Variants in SRCAP observed in about 807,000 individuals in gnomAD.
SRCAP encodes the protein chromatin remodeling protein SRCAP.
Under a neutral mutation model 263.1 loss-of-function variants are expected in SRCAP, and 46 were observed. The observed-to-expected ratio is 0.17, with a 90% confidence interval of 0.14 to 0.22. The LOEUF (loss-of-function observed/expected upper bound fraction) is 0.22. SRCAP is among the 10% of genes least tolerant of loss of function. The probability of loss-of-function intolerance (pLI) is 1.00; values close to 1 mark genes in which losing one functional copy is unlikely to be tolerated. For synonymous variants in SRCAP, 1,813 were observed against 1,662.1 expected (o/e 1.09, Z -2.21); for missense variants, 3,695 against 4,181.9 (o/e 0.88, Z 3.21).
chr16:30,703,914 A>T (rs2052796578), intron 3 of SRCAP, 150 bp from the exon 4 acceptor site: 2 of 989,854 alleles, frequency 2.0e-6, no homozygotes, highest in Admixed American at 3.4e-5. Context: ...TAAAATAAAA[A>T]CTTTATCCCG....
Position 30,739,003 on chromosome 16 carries a change from C to T in SRCAP, c.8963C>T (p.Thr2988Ile), listed in dbSNP as rs369907818. 6.8e-5 allele frequency: 110 copies of T among 1,614,012 alleles called. No homozygotes were observed. The highest frequency in any genetic ancestry group is 8.9e-5 in the Non-Finnish European group (105 of 1,180,004). The change falls in exon 34 of 34, where the codon ACT becomes ATT. Residue 2988 changes from threonine to isoleucine, a missense_variant. Physicochemically the swap from Thr to Ile is moderately conservative, Grantham distance 89. Coordinates refer to ENST00000262518, the MANE Select transcript of SRCAP (RefSeq NM_006662.3). The stretch of plus-strand genomic sequence containing the variant: ...CCACTGCTAGTTTGTCCCACTGCTA[C>T]TGTTGCCAACACTGTCACCACTGTC... ...LPPLLVCPTA[T>I]VANTVTTVTI...
At position 30,734,655 on chromosome 16, in the gene SRCAP, C is replaced by T. The variant is rs62057184; in HGVS notation, c.6729+40C>T. ...GGCAGTTCGTAAAGTTGAGCTGATTCTTACAGAATATCTTGTCTTTTGTTA... is the reference window on the plus strand; with the variant it reads ...GGCAGTTCGTAAAGTTGAGCTGATTTTTACAGAATATCTTGTCTTTTGTTA... On this transcript the variant is annotated intron_variant, in intron 31 of 33. Transcript: ENST00000262518. 194,750 of 1,612,558 alleles carry T rather than the reference C, an allele frequency of 0.12. 13,339 individuals carry two copies. Among genetic ancestry groups the T allele is most frequent in the Non-Finnish European group, 0.14 (164,532 of 1,178,950 alleles).
In SRCAP at chr16:30,737,579, G is replaced by T. The variant is rs34062097; in HGVS notation, c.7539G>T (p.Pro2513=). ...PACTPPPAHT[P]PPAQTCLVTP... ...GTACCCCTCCACCAGCTCATACACC[G>T]CCTCCAGCCCAAACCTGTCTTGTAA... is the stretch of plus-strand genomic sequence containing the variant. The change falls in exon 34 of 34, where the codon CCG becomes CCT. Residue 2513 remains proline (P), a synonymous_variant. Transcript: ENST00000262518. 8.0e-4 allele frequency: 1,292 copies of T among 1,613,474 alleles called. 6 individuals carry two copies. The African/African-American group carries it at 0.015, about 19-fold the overall frequency.
At chr16:30,706,408 G>C (rs985508269) in intron 4 of SRCAP, among the ~76,000 whole-genome samples, 6 of 152,182 alleles carry the variant, frequency 3.9e-5, no homozygotes, top group African/African-American at 1.4e-4. Context: ...CTAGGCAGCA[G>C]AGTGAGACCC....
chr16:30,716,132 G>C lies in SRCAP; in HGVS notation c.2560G>C (p.Glu854Gln), dbSNP rs996681890. 3.7e-6 allele frequency: 6 copies of C among 1,614,192 alleles called. No individual in the cohort carries two copies. In the South Asian group the frequency reaches 6.6e-5, roughly 18 times the overall value. Residue 854 changes from glutamate to glutamine, a missense_variant, in exon 17 of 34, where the codon GAG (glutamate) becomes CAG (glutamine). Physicochemically the swap from Glu to Gln is conservative, Grantham distance 29. This residue lies in a region of SRCAP where 147 missense variants were observed against 212.7 expected (regional missense o/e 0.69). Coordinates refer to ENST00000262518, the MANE Select transcript of SRCAP (RefSeq NM_006662.3). ...TGAGAAGCAGATGCCCAAAAAGTAC[G>C]AGCATGTTATCCGCTGCAGGCTCTC... ...DVEKQMPKKY[E>Q]HVIRCRLSKR...
intron 18 of SRCAP, among the ~76,000 whole-genome samples, chr16:30,717,927 T>C (rs576058296): frequency 1.0e-3 from 155 of 151,596 alleles, no homozygotes; most frequent in African/African-American, 3.6e-3. Context: ...TTTTTTTTTT[T>C]TTTAGTTTTC....
chr16:30,723,827 C>T lies in SRCAP; in HGVS notation c.4403C>T (p.Ser1468Leu), dbSNP rs75035256. 386 of 1,614,140 alleles carry T rather than the reference C, an allele frequency of 2.4e-4. 1 individual carries two copies. The East Asian group carries it at 8.2e-3, about 34-fold the overall frequency. The change falls in exon 25 of 34, where the codon TCG becomes TTG. Residue 1468 changes from serine (S) to leucine (L), a missense_variant. Physicochemically the swap from Ser to Leu is moderately radical, Grantham distance 145. Around this residue, in one of 12 missense-constraint regions of SRCAP, gnomAD observed 1,347 missense variants for 1,304.4 expected, o/e 1.03. Coordinates refer to ENST00000262518, the MANE Select transcript of SRCAP (RefSeq NM_006662.3). ...TCAGCCCCCTTGACTGTTTCTGCTT[C>T]GGGCCCAGCTCTGTTGACCAGTGTG... The part of the protein sequence containing the change: ...PISAPLTVSA[S>L]GPALLTSVTP...
At chr16:30,710,188 T>C in intron 8 of SRCAP, 60 bp downstream of exon 8, 1 of 1,551,734 alleles carries the variant, frequency 6.4e-7, no homozygotes, top group Non-Finnish European at 8.7e-7. Flanking sequence ...AGGTTCAGGG[T>C]CTGAGTTCCG....
Position 30,739,717 on chromosome 16 carries a change from G to T in SRCAP, c.9677G>T (p.Arg3226Leu), listed in dbSNP as rs771965965. The change falls in exon 34 of 34, where the codon CGC becomes CTC. Residue 3226 changes from arginine (R) to leucine (L), a missense_variant. Arg to Leu is a moderately radical substitution (Grantham distance 102). Around this residue, in one of 12 missense-constraint regions of SRCAP, gnomAD observed 1,207 missense variants for 1,142.9 expected, o/e 1.06. Transcript: ENST00000262518. The stretch of plus-strand genomic sequence containing the variant: ...GGCCCTGCTGTTAGTCACAGAGGCC[G>T]CAAGGCCAAGACGTGAGTGGGCTGC... ...LAGPAVSHRGRKAKT is the reference protein window; with the variant it reads ...LAGPAVSHRGLKAKT The T allele has an allele frequency of 6.7e-6, 10 of 1,490,914 alleles. No homozygotes were observed. The highest frequency in any genetic ancestry group is 2.7e-5 in the South Asian group (2 of 74,324). 92.4% of individuals were successfully genotyped at this position (1,490,914 alleles called of 1,614,324 possible).
rs771917804 is a variant in SRCAP, at chr16:30,712,288, G to C, written c.1842G>C (p.Leu614=). Residue 614 remains leucine, a synonymous_variant, in exon 13 of 34, where the codon CTG becomes CTC. Coordinates refer to ENST00000262518, the MANE Select transcript of SRCAP (RefSeq NM_006662.3). Reference sequence around the variant, plus strand: ...TAAAGACGCCCATTCCCCTGCTTCTGCGGGGCCAGCTCCGGGAGTACCAGC... The same window carrying C: ...TAAAGACGCCCATTCCCCTGCTTCTCCGGGGCCAGCTCCGGGAGTACCAGC... ...TQVKTPIPLL[L]RGQLREYQHI... 2.5e-6 allele frequency: 4 copies of C among 1,599,926 alleles called. No individual in the cohort carries two copies. Among genetic ancestry groups the C allele is most frequent in the East Asian group, 2.2e-5 (1 of 44,718 alleles).
rs2053160062 is a variant in SRCAP, at chr16:30,736,316, AGAG to A, written c.6849_6851del (p.Glu2284del). 6.2e-7 allele frequency: 1 copy of A among 1,614,058 alleles called. No individual in the cohort carries two copies. The highest frequency in any genetic ancestry group is 1.3e-5 in the African/African-American group (1 of 74,982). ...ACGATGGGTTTCCTGCTGGTGAGGG[AGAG>A]GAAGCTGGCCGGCCTGGGGCTGAGG... is the stretch of plus-strand genomic sequence containing the variant. On this transcript the variant is annotated inframe_deletion, in exon 32 of 34. Transcript: ENST00000262518.
In SRCAP at chr16:30,724,490, C is replaced by G. The variant is rs978168056; in HGVS notation, c.5066C>G (p.Pro1689Arg). 5.6e-6 allele frequency: 9 copies of G among 1,614,010 alleles called. No individual in the cohort carries two copies. The highest frequency in any genetic ancestry group is 1.3e-5 in the African/African-American group (1 of 74,894). Residue 1689 changes from proline to arginine, a missense_variant, in exon 25 of 34, where the codon CCC becomes CGC. This residue lies in a region of SRCAP where 1,347 missense variants were observed against 1,304.4 expected (regional missense o/e 1.03). Coordinates refer to ENST00000262518, the MANE Select transcript of SRCAP (RefSeq NM_006662.3). ...CTGGCCCTAGCCCCAGCTTTAGCAC[C>G]CACTCTTGGAGGCTCATCTCCATCT... ...QTLALAPALA[P>R]TLGGSSPSQT... is the part of the protein sequence containing the mutation.
intron 18 of SRCAP, 62 bp downstream of exon 18, chr16:30,716,541 T>A: frequency 6.8e-7 from 1 of 1,478,764 alleles, no homozygotes. Flanking sequence ...ACCATGTACC[T>A]CTTTTCGTTA....
Position 30,738,109 on chromosome 16 carries a change from C to T in SRCAP, c.8069C>T (p.Pro2690Leu). 1 of 1,614,176 alleles carries T rather than the reference C, an allele frequency of 6.2e-7. No homozygotes were observed. Among genetic ancestry groups the T allele is most frequent in the African/African-American group, 1.3e-5 (1 of 75,050 alleles). ...AKTPTSSPEKPQELVTAEVAA... is the reference protein window; with the variant it reads ...AKTPTSSPEKLQELVTAEVAA... ...ACCCCAACCTCCAGCCCAGAGAAGC[C>T]ACAGGAACTCGTTACAGCTGAGGTT... The change falls in exon 34 of 34, where the codon CCA becomes CTA. Residue 2690 changes from proline to leucine, a missense_variant. Pro to Leu is a moderately conservative substitution (Grantham distance 98). Coordinates refer to ENST00000262518, the MANE Select transcript of SRCAP (RefSeq NM_006662.3).
chr16:30,738,868 C>G lies in SRCAP; in HGVS notation c.8828C>G (p.Pro2943Arg), dbSNP rs775321312. 2 of 1,614,166 alleles carry G rather than the reference C, an allele frequency of 1.2e-6. No individual in the cohort carries two copies. The highest frequency in any genetic ancestry group is 1.7e-6 in the Non-Finnish European group (2 of 1,180,022). ...PVEKRRRGRPPKARDLPIPGT... is the reference protein window; with the variant it reads ...PVEKRRRGRPRKARDLPIPGT... ...GAGAAAAGAAGGCGAGGACGACCCCCTAAAGCACGAGATTTGCCCATCCCT... is the reference window on the plus strand; with the variant it reads ...GAGAAAAGAAGGCGAGGACGACCCCGTAAAGCACGAGATTTGCCCATCCCT... Residue 2943 changes from proline to arginine, a missense_variant, in exon 34 of 34, where the codon CCT becomes CGT. Pro to Arg is a moderately radical substitution (Grantham distance 103, BLOSUM62 -2). Transcript: ENST00000262518.
chr16:30,704,722 G>T (rs929307105), intron 4 of SRCAP, among the ~76,000 whole-genome samples: 1 of 152,034 alleles, frequency 6.6e-6, no homozygotes, highest in Admixed American at 6.6e-5. Flanking sequence ...GCCTGTAGCA[G>T]TCGCAGCCAC....
In SRCAP at chr16:30,704,182, A is replaced by C. The variant is rs1002367639; in HGVS notation, c.173A>C (p.Asp58Ala). ...CACATAGCTCAAGATTCCTCACTGGATGGACCTCCAGGCCCCCCAGATGGT... is the reference window on the plus strand; with the variant it reads ...CACATAGCTCAAGATTCCTCACTGGCTGGACCTCCAGGCCCCCCAGATGGT... Reference protein sequence around the residue: ...PQHIAQDSSLDGPPGPPDGAT... With the variant: ...PQHIAQDSSLAGPPGPPDGAT... Residue 58 changes from aspartate (D) to alanine (A), a missense_variant, in exon 4 of 34, where the codon GAT becomes GCT. By Grantham distance (126) the Asp-to-Ala change is moderately radical. Transcript: ENST00000262518. 1.7e-5 allele frequency: 28 copies of C among 1,613,988 alleles called. No individual in the cohort carries two copies. The highest frequency in any genetic ancestry group is 2.3e-5 in the Non-Finnish European group (27 of 1,180,008).
chr16:30,721,028 T>C (rs2151292763), intron 20 of SRCAP, 50 bp downstream of exon 20: 2 of 1,559,896 alleles, frequency 1.3e-6, no homozygotes, highest in East Asian at 4.5e-5. Context: ...AGAAAGGTTG[T>C]TCAGACTGAG....
intron 25 of SRCAP, chr16:30,726,267 A>C (rs1370995883): frequency 1.3e-5 from 2 of 152,162 alleles, no homozygotes; most frequent in African/African-American, 4.8e-5. Flanking sequence ...CCTTGAGTTG[A>C]TGGAAACGTG....
Sources: gnomAD v4.1 joint callset for allele counts (sites outside exome capture counted in the v4.1 genomes callset) on GRCh38, gnomAD v4.1.1 for gene constraint, gnomAD v4.1.1 regional missense constraint, MANE v1.5 for transcripts, NCBI Gene and HGNC (gene_info 2026-07-23, HGNC 2026-07-21) for gene names.